Variants in XPNPEP1 observed in about 807,000 individuals in gnomAD.
XPNPEP1 encodes the protein X-prolyl aminopeptidase 1, also known as xaa-Pro aminopeptidase 1.
Under a neutral mutation model 92.4 loss-of-function variants are expected in XPNPEP1, and 39 were observed. The observed-to-expected ratio is 0.42, with a 90% CI of 0.33 to 0.55. The LOEUF is 0.55. XPNPEP1 is among the 20% of genes least tolerant of loss of function. The pLI is 0.08. For synonymous variants in XPNPEP1, 307 were observed against 299.4 expected (o/e 1.03, Z -0.26); for missense variants, 654 against 856.1 (o/e 0.76, Z 2.95).
rs1010837384 is a variant in XPNPEP1 at position 109,871,042 on chromosome 10, A to C, written c.1523-138T>G. On this transcript the variant is annotated intron_variant, in intron 17 of 20. Coordinates refer to ENST00000502935, the MANE Select transcript of XPNPEP1 (RefSeq NM_020383.4). ...GTTCAGATTTCAGCACAGCACAAGG[A>C]AGAACTTTCTAACAATCAGAGCTCC... 1.0e-5 allele frequency: 10 copies of C among 968,024 alleles called. No individual in the cohort carries two copies. In the African/African-American group the frequency reaches 1.5e-4, roughly 14 times the overall value. 60.0% of individuals were successfully genotyped at this position (968,024 alleles called of 1,614,324 possible).
At chr10:109,879,103 A>G (rs1433183250) in intron 12 of XPNPEP1, among the ~76,000 whole-genome samples, 3 of 151,308 alleles carry the variant, frequency 2.0e-5, no homozygotes, top group Non-Finnish European at 2.9e-5. Context: ...TTAGCCAAGC[A>G]TGGTGGCGGG....
At chr10:109,870,996 C>CAAT in intron 17 of XPNPEP1, 92 bp from the exon 18 acceptor site, 2 of 1,433,268 alleles carry the variant, frequency 1.4e-6, no homozygotes. Context: ...AAACAGAAAC[C>CAAT]AATAGGTAAG....
chr10:109,911,781 C>T (rs1589629114), intron 2 of XPNPEP1, among the ~76,000 whole-genome samples: 1 of 152,114 alleles, frequency 6.6e-6, no homozygotes, highest in Non-Finnish European at 1.5e-5. Context: ...TTTTAAAATG[C>T]AAAAATATAA....
chr10:109,883,834 G>A (rs529395893), intron 9 of XPNPEP1: 12 of 442,496 alleles, frequency 2.7e-5, no homozygotes, highest in East Asian at 3.6e-5. Context: ...TGGGTGGCCC[G>A]AACTATAGAC....
intron 7 of XPNPEP1, 73 bp downstream of exon 7, chr10:109,887,976 G>A (rs116049498): frequency 0.022 from 35,061 of 1,570,488 alleles, 713 homozygotes; most frequent in African/African-American, 0.07. Flanking sequence ...TTCGGAGGAC[G>A]AGGCTGGAGA....
chr10:109,879,416 G>T (rs1032362301), intron 12 of XPNPEP1, among the ~76,000 whole-genome samples: 1 of 150,940 alleles, frequency 6.6e-6, no homozygotes, highest in Non-Finnish European at 1.5e-5. Context: ...CTACAACTAC[G>T]AAAATTAGCC....
At position 109,868,698 on chromosome 10, in the gene XPNPEP1, G is replaced by A. The variant is rs943322890; in HGVS notation, c.1788C>T (p.Asn596=). The A allele has an allele frequency of 6.2e-7, 1 of 1,613,736 alleles. No homozygotes were observed. The highest frequency in any genetic ancestry group is 1.3e-5 in the African/African-American group (1 of 74,852). Residue 596 remains asparagine (N), a synonymous_variant, in exon 20 of 21, where the codon AAC becomes AAT. Transcript: ENST00000502935. ...GAGGTTCAAAGGTCAGGCTTCCCCG[G>A]TTATTAAAATTATACTGCGGGAGAA... is the stretch of plus-strand genomic sequence containing the variant. ...VPVKTKYNFN[N]RGSLTFEPLT...
intron 3 of XPNPEP1, among the ~76,000 whole-genome samples, chr10:109,902,474 C>T (rs555055151): frequency 1.3e-5 from 2 of 152,336 alleles, no homozygotes; most frequent in Admixed American, 1.3e-4. Flanking sequence ...GGCTCTAGAG[C>T]TCATACGCTT....
intron 8 of XPNPEP1, 56 bp downstream of exon 8, chr10:109,886,190 G>A: frequency 6.4e-7 from 1 of 1,567,970 alleles, no homozygotes; most frequent in Non-Finnish European, 8.7e-7. Flanking sequence ...CAGATACCCA[G>A]AGACCCAAAG....
At position 109,880,240 on chromosome 10, in the gene XPNPEP1, T is replaced by A; in HGVS notation, c.1132-2A>T. On this transcript the variant is annotated splice_acceptor_variant, in intron 11 of 20. Transcript: ENST00000502935. LOFTEE classifies it high-confidence loss of function. ...ACAGAGAGCAACAGCATCTTTAATC[T>A]GTGCAAACAATGGAGACATTTTTTA... The A allele has an allele frequency of 6.2e-7, 1 of 1,613,894 alleles. No individual in the cohort carries two copies. The highest frequency in any genetic ancestry group is 2.2e-5 in the East Asian group (1 of 44,894).
At chr10:109,903,214 C>A (rs984253511) in intron 3 of XPNPEP1, among the ~76,000 whole-genome samples, 3 of 152,154 alleles carry the variant, frequency 2.0e-5, no homozygotes, top group Non-Finnish European at 4.4e-5. Flanking sequence ...TCCAACACAC[C>A]CTTAACCAGA....
chr10:109,888,915 T>A (rs530000778), intron 5 of XPNPEP1, among the ~76,000 whole-genome samples: 1 of 152,216 alleles, frequency 6.6e-6, no homozygotes, highest in Non-Finnish European at 1.5e-5. Flanking sequence ...ACCACAAAGA[T>A]TGTCTCCTCA....
At chr10:109,922,832 G>A (rs1429859962) in intron 1 of XPNPEP1, among the ~76,000 whole-genome samples, 1 of 152,240 alleles carries the variant, frequency 6.6e-6, no homozygotes, top group Non-Finnish European at 1.5e-5. Flanking sequence ...GCCCAGGGCA[G>A]GCTACTGGGG....
chr10:109,876,443 TGAA>T (rs1297500513), intron 14 of XPNPEP1: 1 of 152,232 alleles, frequency 6.6e-6, no homozygotes, highest in Non-Finnish European at 1.5e-5. Flanking sequence ...CCACCCACAA[TGAA>T]GAAATGCCAA....
intron 1 of XPNPEP1, 129 bp downstream of exon 1, chr10:109,923,273 G>T: frequency 8.3e-7 from 1 of 1,205,232 alleles, no homozygotes. Context: ...GGCGAGCGCG[G>T]CCCTCGCCAG....
At chr10:109,891,550 C>T (rs982770197) in intron 5 of XPNPEP1, 172 bp downstream of exon 5, 1 of 465,298 alleles carries the variant, frequency 2.1e-6, no homozygotes, top group Non-Finnish European at 3.8e-6. Flanking sequence ...AAATTGAATG[C>T]ACATTGGTAC....
chr10:109,896,829 G>A (rs112359185), intron 3 of XPNPEP1, among the ~76,000 whole-genome samples: 18 of 152,216 alleles, frequency 1.2e-4, no homozygotes, highest in African/African-American at 4.3e-4. Context: ...AGGAATGCAG[G>A]TGGCCTCCAG....
intron 1 of XPNPEP1, chr10:109,923,077 C>T (rs1850641822): frequency 2.4e-6 from 2 of 837,320 alleles, no homozygotes; most frequent in Non-Finnish European, 2.9e-6. Context: ...CCTCCAAGAA[C>T]GGGGCCTTCC....
chr10:109,865,298 G>T lies in XPNPEP1; in HGVS notation c.1887C>A (p.Asn629Lys). 6.2e-7 allele frequency: 1 copy of T among 1,614,142 alleles called. No individual in the cohort carries two copies. The highest frequency in any genetic ancestry group is 8.5e-7 in the Non-Finnish European group (1 of 1,180,030). Residue 629 changes from asparagine to lysine, a missense_variant, in exon 21 of 21, where the codon AAC becomes AAA. Physicochemically the swap from Asn to Lys is moderately conservative, Grantham distance 94. Coordinates refer to ENST00000502935, the MANE Select transcript of XPNPEP1 (RefSeq NM_020383.4). ...SLTDKECDWL[N>K]NYHLTCRDVI... ...CATCCCTGCAGGTCAGGTGGTAATT[G>T]TTGAGCCAGTCGCACTGCAGGGAAG...
Sources: gnomAD v4.1 joint callset for allele counts (sites outside exome capture counted in the v4.1 genomes callset) on GRCh38, gnomAD v4.1.1 for gene constraint, MANE v1.5 for transcripts, NCBI Gene and HGNC (gene_info 2026-07-23, HGNC 2026-07-21) for gene names.